The following RBFOX1 variants were observed in gnomAD, a reference collection of about 807,000 sequenced individuals.
The protein encoded by RBFOX1 is RNA binding fox-1 homolog 1.
Under a neutral mutation model 57.7 loss-of-function variants are expected in RBFOX1, and 8 were observed. The observed-to-expected ratio is 0.14, with a 90% confidence interval of 0.08 to 0.25. The LOEUF (loss-of-function observed/expected upper bound fraction) is 0.25. Ranked by LOEUF, RBFOX1 falls within the 10% of genes least tolerant of loss-of-function variation. RBFOX1 has a pLI of 1.00. For synonymous variants in RBFOX1, 326 were observed against 222.4 expected (o/e 1.47, Z -4.15); for missense variants, 611 against 548.5 (o/e 1.11, Z -1.14).
intron 1 of RBFOX1, among the ~76,000 whole-genome samples, chr16:6,289,128 C>G (rs2077194682): frequency 6.6e-6 from 1 of 152,142 alleles, no homozygotes. Flanking sequence ...AGGGAATTTA[C>G]TTATCTGTTT....
intron 2 of RBFOX1, among the ~76,000 whole-genome samples, chr16:6,504,146 C>G (rs539066722): frequency 6.6e-6 from 1 of 152,132 alleles, no homozygotes; most frequent in African/African-American, 2.4e-5. Context: ...CCTCTAGTGA[C>G]AAAGAACAAC....
chr16:6,038,370 C>G (rs1027656969), intron 1 of RBFOX1: 2 of 149,708 alleles, frequency 1.3e-5, no homozygotes, highest in African/African-American at 4.9e-5. Flanking sequence ...TTGGTAGAGA[C>G]AGGGTTTTAC....
intron 2 of RBFOX1, among the ~76,000 whole-genome samples, chr16:6,508,315 A>G (rs558803620): frequency 6.6e-6 from 1 of 152,286 alleles, no homozygotes; most frequent in Admixed American, 6.5e-5. Context: ...AAACCCTATG[A>G]CACAAGTTAC....
At chr16:7,567,245 ATATCCC>A (rs1267440148) in intron 5 of RBFOX1, among the ~76,000 whole-genome samples, 1 of 50,794 alleles carries the variant, frequency 2.0e-5, no homozygotes, top group African/African-American at 7.5e-5. Flanking sequence ...ATATATCCAT[ATATCCC>A]TATATATATA....
intron 4 of RBFOX1, among the ~76,000 whole-genome samples, chr16:7,088,102 C>A (rs1468142429): frequency 6.6e-6 from 1 of 152,004 alleles, no homozygotes; most frequent in Non-Finnish European, 1.5e-5. Flanking sequence ...ATTTTATTTT[C>A]AGTTGCAAAA....
chr16:5,721,343 G>A (rs187698991), intron 3 of RBFOX1, among the ~76,000 whole-genome samples: 2 of 152,276 alleles, frequency 1.3e-5, no homozygotes, highest in Admixed American at 6.5e-5. Flanking sequence ...ATACTTGTGT[G>A]GGTGTGGATG....
chr16:6,866,506 A>ATTT (rs1567627215), intron 3 of RBFOX1, among the ~76,000 whole-genome samples: 2 of 148,380 alleles, frequency 1.3e-5, no homozygotes, highest in East Asian at 2.0e-4. Flanking sequence ...ACTTTTTTTA[A>ATTT]AAAAAAAAAT....
chr16:7,711,611 T>C lies in RBFOX1; in HGVS notation c.*866T>C, dbSNP rs1456173504. On this transcript the variant is annotated 3_prime_UTR_variant, in exon 16 of 16. Coordinates refer to ENST00000550418, the MANE Select transcript of RBFOX1 (RefSeq NM_018723.4). ...GCACTGTTTCTATTTTTTTCTTTTT[T>C]TCCAAAAAAAGAAAGTAATAAAAAC... The C allele has an allele frequency of 6.6e-6, 1 of 152,464 alleles. No individual in the cohort carries two copies. The highest frequency in any genetic ancestry group is 3.2e-3 in the Middle Eastern group (1 of 314). 9.4% of individuals were successfully genotyped at this position (152,464 alleles called of 1,614,324 possible). A position where few individuals can be genotyped will look rare whatever the true frequency, so the allele number is the denominator to read the frequency against.
At chr16:5,694,223 G>A (rs1180132040) in intron 3 of RBFOX1, among the ~76,000 whole-genome samples, 2 of 152,148 alleles carry the variant, frequency 1.3e-5, no homozygotes, top group African/African-American at 4.8e-5. Flanking sequence ...CAAGCCTGAG[G>A]GGTTTACCAG....
chr16:7,013,251 C>T (rs758926048), intron 3 of RBFOX1, among the ~76,000 whole-genome samples: 1 of 152,232 alleles, frequency 6.6e-6, no homozygotes, highest in East Asian at 1.9e-4. Context: ...TGCTTGTAGT[C>T]CCTACTCACA....
chr16:6,910,845 A>G (rs996179527), intron 3 of RBFOX1, among the ~76,000 whole-genome samples: 6 of 152,202 alleles, frequency 3.9e-5, no homozygotes, highest in Admixed American at 2.0e-4. Context: ...TATATCCAGA[A>G]GAATGCCTCC....
intron 11 of RBFOX1, among the ~76,000 whole-genome samples, chr16:7,652,239 GAGTT>G (rs2065221792): frequency 6.6e-6 from 1 of 152,038 alleles, no homozygotes; most frequent in African/African-American, 2.4e-5. Context: ...GGGCCCTGAT[GAGTT>G]AGTTAGGATT....
At chr16:6,647,825 C>A (rs1246433711) in intron 2 of RBFOX1, among the ~76,000 whole-genome samples, 1 of 152,050 alleles carries the variant, frequency 6.6e-6, no homozygotes, top group Non-Finnish European at 1.5e-5. Flanking sequence ...GCCTTGACTG[C>A]CTAGGGATAA....
At chr16:6,380,202 A>AT (rs2091648219) in intron 2 of RBFOX1, among the ~76,000 whole-genome samples, 1 of 152,060 alleles carries the variant, frequency 6.6e-6, no homozygotes, top group South Asian at 2.1e-4. Context: ...GAATTGGCTC[A>AT]TTCAGATGAC....
intron 4 of RBFOX1, among the ~76,000 whole-genome samples, chr16:7,126,985 G>T (rs1226182705): frequency 6.7e-6 from 1 of 148,214 alleles, no homozygotes; most frequent in African/African-American, 2.5e-5. Flanking sequence ...CTGCAGCCTG[G>T]GCGTGACAGA....
chr16:7,347,392 T>C (rs2097032287), intron 4 of RBFOX1, among the ~76,000 whole-genome samples: 1 of 152,080 alleles, frequency 6.6e-6, no homozygotes. Context: ...AACTCTTGTT[T>C]TTAAAATCAT....
chr16:7,404,178 G>T (rs565600730), intron 4 of RBFOX1, among the ~76,000 whole-genome samples: 1 of 151,762 alleles, frequency 6.6e-6, no homozygotes, highest in South Asian at 2.1e-4. Context: ...TCAGCCTCCT[G>T]AGTAGCTGTG....
At chr16:7,154,128 G>C (rs1377535973) in intron 4 of RBFOX1, among the ~76,000 whole-genome samples, 1 of 152,054 alleles carries the variant, frequency 6.6e-6, no homozygotes. Context: ...GATTGTTTTT[G>C]CACATCATAG....
intron 1 of RBFOX1, among the ~76,000 whole-genome samples, chr16:6,109,209 A>G (rs2096416351): frequency 6.6e-6 from 1 of 152,074 alleles, no homozygotes; most frequent in Non-Finnish European, 1.5e-5. Flanking sequence ...TTTCCCCTTT[A>G]ATATTCTAGT....
Sources: gnomAD v4.1 joint callset for allele counts (sites outside exome capture counted in the v4.1 genomes callset) on GRCh38, gnomAD v4.1.1 for gene constraint, MANE v1.5 for transcripts, NCBI Gene and HGNC (gene_info 2026-07-23, HGNC 2026-07-21) for gene names.